CAMK1D: variants seen among roughly 807,000 people sequenced by gnomAD.
CAMK1D encodes calcium/calmodulin dependent protein kinase ID.
A neutral mutation model predicts 47.7 loss-of-function variants in CAMK1D; 9 were observed. The ratio of observed to expected loss-of-function variants is 0.19; its 90% CI spans 0.11 to 0.33. The LOEUF is 0.33. Among genes scored for constraint, CAMK1D ranks in the 10% least tolerant of loss-of-function variants. The pLI is 1.00. For synonymous variants in CAMK1D, 184 were observed against 184.9 expected (o/e 0.99, Z 0.04); for missense variants, 291 against 488.7 (o/e 0.60, Z 3.81).
chr10:12,700,141 T>G (rs1043130756), intron 3 of CAMK1D, among the ~76,000 whole-genome samples: 2 of 152,152 alleles, frequency 1.3e-5, no homozygotes, highest in African/African-American at 4.8e-5. Context: ...TGAACAAAGC[T>G]TACATAACAC....
chr10:12,784,748 C>G (rs1477933135), intron 5 of CAMK1D, among the ~76,000 whole-genome samples: 1 of 152,156 alleles, frequency 6.6e-6, no homozygotes, highest in Non-Finnish European at 1.5e-5. Flanking sequence ...ACCTACTCAC[C>G]AAAAATATTT....
intron 3 of CAMK1D, among the ~76,000 whole-genome samples, chr10:12,722,874 A>C (rs2130789490): frequency 6.6e-6 from 1 of 152,324 alleles, no homozygotes; most frequent in East Asian, 1.9e-4. Flanking sequence ...AAGAGTCAGG[A>C]AATGTGATTT....
intron 1 of CAMK1D, among the ~76,000 whole-genome samples, chr10:12,450,289 GGTTATATACTGA>G (rs1184318092): frequency 6.6e-6 from 1 of 152,126 alleles, no homozygotes; most frequent in Non-Finnish European, 1.5e-5. Flanking sequence ...GTTACATTTG[GGTTATATACTGA>G]GTTTACAGCT....
intron 5 of CAMK1D, among the ~76,000 whole-genome samples, chr10:12,777,363 CTT>C (rs869192068): frequency 4.5e-5 from 4 of 88,524 alleles, no homozygotes; most frequent in Non-Finnish European, 6.8e-5. Flanking sequence ...TTTGGTTGAA[CTT>C]TTTTTTTTTT....
intron 1 of CAMK1D, among the ~76,000 whole-genome samples, chr10:12,419,804 A>T (rs1839988376): frequency 6.6e-6 from 1 of 152,192 alleles, no homozygotes; most frequent in Admixed American, 6.5e-5. Flanking sequence ...AGTGGTTACC[A>T]CAGTAGCTTT....
intron 3 of CAMK1D, among the ~76,000 whole-genome samples, chr10:12,707,330 TTAAG>T (rs1833762976): frequency 6.6e-6 from 1 of 152,236 alleles, no homozygotes; most frequent in Non-Finnish European, 1.5e-5. Context: ...TTTGAATATG[TTAAG>T]TTTTTGTTGT....
chr10:12,736,236 T>A (rs1052937661), intron 3 of CAMK1D, among the ~76,000 whole-genome samples: 2 of 152,168 alleles, frequency 1.3e-5, no homozygotes, highest in African/African-American at 2.4e-5. Context: ...CAACTTCTCC[T>A]GTTCTCTGTT....
At chr10:12,789,244 C>G (rs988236546) in intron 5 of CAMK1D, among the ~76,000 whole-genome samples, 1 of 152,026 alleles carries the variant, frequency 6.6e-6, no homozygotes, top group African/African-American at 2.4e-5. Context: ...TCATCAGCTA[C>G]TATTAGTATT....
intron 2 of CAMK1D, among the ~76,000 whole-genome samples, chr10:12,584,225 G>A (rs1472526547): frequency 1.3e-5 from 2 of 152,116 alleles, no homozygotes; most frequent in Non-Finnish European, 2.9e-5. Flanking sequence ...TGGAAAAGTA[G>A]CAATACATTT....
At chr10:12,677,710 G>A (rs1840858684) in intron 3 of CAMK1D, among the ~76,000 whole-genome samples, 1 of 152,142 alleles carries the variant, frequency 6.6e-6, no homozygotes, top group South Asian at 2.1e-4. Flanking sequence ...AGTCTATGAG[G>A]GGCTTTGTCT....
intron 1 of CAMK1D, among the ~76,000 whole-genome samples, chr10:12,522,951 TGG>T (rs1835480271): frequency 3.0e-5 from 3 of 100,358 alleles, no homozygotes; most frequent in African/African-American, 1.1e-4. Flanking sequence ...ACGGGGCGGC[TGG>T]CCTGGTGGGG....
intron 1 of CAMK1D, among the ~76,000 whole-genome samples, chr10:12,355,014 T>A (rs1005288000): frequency 1.3e-5 from 2 of 151,598 alleles, no homozygotes; most frequent in Admixed American, 1.3e-4. Context: ...GCTAACTTTT[T>A]TATTTTTTTG....
chr10:12,587,782 C>G (rs999333892), intron 2 of CAMK1D, among the ~76,000 whole-genome samples: 2 of 152,066 alleles, frequency 1.3e-5, no homozygotes, highest in Non-Finnish European at 2.9e-5. Flanking sequence ...ATCTGATGCT[C>G]AAGAGAGAAT....
chr10:12,796,238 C>A (rs1270539530), intron 6 of CAMK1D, among the ~76,000 whole-genome samples: 6 of 152,184 alleles, frequency 3.9e-5, no homozygotes, highest in African/African-American at 1.2e-4. Context: ...ACAGGCACGT[C>A]AGAGGCACAA....
chr10:12,760,192 A>G (rs2130902583), intron 3 of CAMK1D, among the ~76,000 whole-genome samples: 1 of 152,324 alleles, frequency 6.6e-6, no homozygotes, highest in Admixed American at 6.5e-5. Context: ...TTGCCCCCAC[A>G]GGGCTTCTTG....
rs1263476254 is a variant in CAMK1D at position 12,824,569 on chromosome 10, T to A, written c.921+17T>A. ...AAATGGAGAGTAAGTGTGGAGTATA[T>A]GAAATTCCCCGTGGATTAACCCCCT... is the stretch of plus-strand genomic sequence containing the variant. On this transcript the variant is annotated intron_variant, in intron 9 of 10. Coordinates refer to ENST00000619168, the MANE Select transcript of CAMK1D (RefSeq NM_153498.4). The A allele has an allele frequency of 6.2e-7, 1 of 1,602,538 alleles. No individual in the cohort carries two copies. Among genetic ancestry groups the A allele is most frequent in the African/African-American group, 1.3e-5 (1 of 74,664 alleles).
intron 2 of CAMK1D, among the ~76,000 whole-genome samples, chr10:12,638,351 C>G (rs1839571619): frequency 6.6e-6 from 1 of 152,168 alleles, no homozygotes; most frequent in Admixed American, 6.5e-5. Flanking sequence ...CCCTCCACAT[C>G]TACCCAGCCT....
chr10:12,467,811 T>C (rs1238086948), intron 1 of CAMK1D, among the ~76,000 whole-genome samples: 1 of 152,150 alleles, frequency 6.6e-6, no homozygotes, highest in Non-Finnish European at 1.5e-5. Flanking sequence ...TATCTCTTGA[T>C]TGGTCTTTGT....
intron 1 of CAMK1D, among the ~76,000 whole-genome samples, chr10:12,550,868 G>A (rs997157591): frequency 1.3e-5 from 2 of 152,250 alleles, no homozygotes; most frequent in African/African-American, 4.8e-5. Flanking sequence ...CCATGTGCCA[G>A]TGGGAACGCT....
Sources: allele counts gnomAD v4.1 joint callset (sites outside exome capture counted in the v4.1 genomes callset), GRCh38; gene constraint gnomAD v4.1.1; transcripts MANE v1.5; gene names NCBI Gene and HGNC (gene_info 2026-07-23, HGNC 2026-07-21).